CRBN: variants seen among roughly 807,000 people sequenced by gnomAD.
The protein encoded by CRBN is protein cereblon.
In CRBN, 53 loss-of-function variants were observed where a neutral mutation model predicts 62.2. The ratio of observed to expected loss-of-function variants is 0.85; its 90% CI spans 0.68 to 1.07. The LOEUF is 1.07. CRBN is among the 50% of genes least tolerant of loss of function. The probability of loss-of-function intolerance (pLI) is 0.00; values close to 1 mark genes in which losing one functional copy is unlikely to be tolerated. For missense variants in CRBN, 616 were observed against 531.1 expected (o/e 1.16, Z -1.57); for synonymous variants, 208 against 176.1 (o/e 1.18, Z -1.43).
chr3:3,152,272 C>G (rs1389576500), intron 10 of CRBN, among the ~76,000 whole-genome samples, 184 bp downstream of exon 10: 2 of 151,886 alleles, frequency 1.3e-5, no homozygotes, highest in Non-Finnish European at 2.9e-5. Flanking sequence ...TGTGCCTCAG[C>G]ATCCCGAGCA....
At chr3:3,171,980 T>A (rs1168537666) in intron 4 of CRBN, among the ~76,000 whole-genome samples, 1 of 152,146 alleles carries the variant, frequency 6.6e-6, no homozygotes, top group Non-Finnish European at 1.5e-5. Flanking sequence ...AAGCACTCCG[T>A]TAAGAGGTAA....
chr3:3,149,876 A>ACC, downstream of CRBN: 1 of 152,204 alleles, frequency 6.6e-6, no homozygotes, highest in Non-Finnish European at 1.5e-5. Flanking sequence ...CAATAAAACG[A>ACC]AAGTTATCAT....
chr3:3,174,226 C>T lies in CRBN; in HGVS notation c.210G>A (p.Arg70=). The T allele has an allele frequency of 6.2e-7, 1 of 1,614,094 alleles. No individual in the cohort carries two copies. The highest frequency in any genetic ancestry group is 8.5e-7 in the Non-Finnish European group (1 of 1,180,012). The part of the protein sequence containing the change: ...LGADMEEFHG[R]TLHDDDSCQV... Reference sequence around the variant, plus strand: ...GACAGCTGTCGTCATCGTGCAAAGTCCTGCCATGAAATTCTTCCATATCAG... The same window carrying T: ...GACAGCTGTCGTCATCGTGCAAAGTTCTGCCATGAAATTCTTCCATATCAG... Residue 70 remains arginine, a synonymous_variant, in exon 3 of 11, where the codon AGG becomes AGA. Coordinates refer to ENST00000231948, the MANE Select transcript of CRBN (RefSeq NM_016302.4).
intron 1 of CRBN, 110 bp from the exon 2 acceptor site, chr3:3,175,379 A>C: frequency 1.2e-6 from 1 of 800,412 alleles, no homozygotes; most frequent in Non-Finnish European, 2.1e-6. Context: ...GCATTTGGTA[A>C]ACTCTACAGC....
chr3:3,153,349 T>G, intron 9 of CRBN, 75 bp downstream of exon 9: 1 of 898,064 alleles, frequency 1.1e-6, no homozygotes, highest in Non-Finnish European at 1.9e-6. Flanking sequence ...GAGGAAAGTT[T>G]ATGGAAAACA....
rs200243789 is a variant in CRBN at position 3,150,277 on chromosome 3, C to CA, written c.*587dup. 1,251 of 152,186 alleles carry CA rather than the reference C, an allele frequency of 8.2e-3. 10 individuals are homozygous for CA. Among genetic ancestry groups the CA allele is most frequent in the Non-Finnish European group, 0.014 (985 of 68,416 alleles). The allele number at this position is 152,186 out of a possible 1,614,324, so 9.4% of individuals were successfully genotyped here. ...AGGAAATGACAACTATTCGTGGGCT[C>CA]AAAAAACTGCATATTTTAACTAATT... On this transcript the variant is annotated 3_prime_UTR_variant, in exon 11 of 11. Transcript: ENST00000231948.
chr3:3,175,399 A>G (rs1707793371), intron 1 of CRBN, 130 bp from the exon 2 acceptor site: 1 of 689,776 alleles, frequency 1.4e-6, no homozygotes, highest in Admixed American at 2.5e-5. Flanking sequence ...CACCGTGAAG[A>G]GGGAGCCAGA....
At chr3:3,156,120 G>A (rs1183245699) in intron 6 of CRBN, 99 bp downstream of exon 6, 4 of 986,988 alleles carry the variant, frequency 4.1e-6, no homozygotes, top group Non-Finnish European at 1.6e-6. Flanking sequence ...TAAGTTATAA[G>A]GCACTAGAAA....
intron 5 of CRBN, among the ~76,000 whole-genome samples, chr3:3,165,366 G>A (rs766433037): frequency 2.5e-4 from 38 of 152,272 alleles, no homozygotes; most frequent in East Asian, 1.5e-3. Context: ...AAACAGCGCC[G>A]CATGCTAAAG....
rs1278625294 is a variant in CRBN at position 3,154,663 on chromosome 3, G to GAT, written c.835+82_835+83dup. ...TTTTAATCAGTCTTAAAACCTAGAA[G>GAT]ATATGATTGGATCGCATCCATGAAA... On this transcript the variant is annotated intron_variant, in intron 7 of 10. Coordinates refer to ENST00000231948, the MANE Select transcript of CRBN (RefSeq NM_016302.4). The GAT allele has an allele frequency of 5.1e-6, 4 of 786,920 alleles. No individual in the cohort carries two copies. The Admixed American group carries it at 7.0e-5, about 14-fold the overall frequency. The allele number at this position is 786,920 out of a possible 1,614,324, so 48.7% of individuals were successfully genotyped here.
At chr3:3,163,917 G>A (rs1346620650) in intron 5 of CRBN, among the ~76,000 whole-genome samples, 2 of 152,130 alleles carry the variant, frequency 1.3e-5, no homozygotes, top group East Asian at 1.9e-4. Context: ...ACCTGCCTGT[G>A]CCATATTTTG....
intron 5 of CRBN, chr3:3,167,337 A>G (rs1400702220): frequency 3.6e-6 from 1 of 280,418 alleles, no homozygotes; most frequent in African/African-American, 2.3e-5. Context: ...CCGAACATCT[A>G]ATTTGATCAT....
intron 7 of CRBN, 155 bp from the exon 8 acceptor site, chr3:3,154,230 A>C: frequency 1.6e-6 from 1 of 621,970 alleles, no homozygotes; most frequent in South Asian, 1.9e-5. Context: ...CAGCTGTCAA[A>C]GATACACTTT....
At chr3:3,178,323 G>A (rs1222552399) in intron 1 of CRBN, among the ~76,000 whole-genome samples, 1 of 152,182 alleles carries the variant, frequency 6.6e-6, no homozygotes. Context: ...TATATGGTGG[G>A]CACGCACTCA....
intron 4 of CRBN, among the ~76,000 whole-genome samples, chr3:3,169,487 C>T (rs1182290741): frequency 2.6e-5 from 4 of 151,666 alleles, no homozygotes; most frequent in Admixed American, 6.6e-5. Context: ...GGAAAAAAAC[C>T]GCACAAATCT....
At chr3:3,175,091 C>T (rs1707777245) in intron 2 of CRBN, 72 bp downstream of exon 2, 2 of 1,035,872 alleles carry the variant, frequency 1.9e-6, no homozygotes, top group Non-Finnish European at 3.0e-6. Flanking sequence ...ATATCAGTCA[C>T]TTGTTTTTAT....
At chr3:3,163,502 A>G (rs1422103436) in intron 5 of CRBN, among the ~76,000 whole-genome samples, 1 of 152,226 alleles carries the variant, frequency 6.6e-6, no homozygotes, top group Non-Finnish European at 1.5e-5. Flanking sequence ...AGATGCTTTA[A>G]CCATAGAACA....
chr3:3,175,281 GA>G lies in CRBN; in HGVS notation c.68-13del, dbSNP rs1707786618. Reference sequence around the variant, plus strand: ...TTCCTCACTCTCTGCTATAAAAGTAGAATATTGTAAGAAAAAAAAAAAGATG... The same window carrying G: ...TTCCTCACTCTCTGCTATAAAAGTAGATATTGTAAGAAAAAAAAAAAGATG... On this transcript the variant is annotated splice_polypyrimidine_tract_variant and intron_variant, in intron 1 of 10. Transcript: ENST00000231948. 1.3e-6 allele frequency: 2 copies of G among 1,533,494 alleles called. No individual in the cohort carries two copies. 95.0% of individuals were successfully genotyped at this position (1,533,494 alleles called of 1,614,324 possible).
chr3:3,173,016 T>C, intron 3 of CRBN, 91 bp from the exon 4 acceptor site: 1 of 928,204 alleles, frequency 1.1e-6, no homozygotes. Flanking sequence ...AGGTAAACAA[T>C]TTATAGAATC....
Sources: gnomAD v4.1 joint callset for allele counts (sites outside exome capture counted in the v4.1 genomes callset) on GRCh38, gnomAD v4.1.1 for gene constraint, MANE v1.5 for transcripts, NCBI Gene and HGNC (gene_info 2026-07-23, HGNC 2026-07-21) for gene names.